Variants in ZNF518A observed in about 807,000 individuals in gnomAD.
The protein encoded by ZNF518A is zinc finger protein 518.
In ZNF518A, 47 loss-of-function variants were observed where a neutral mutation model predicts 102.7. The ratio of observed to expected loss-of-function variants is 0.46; its 90% CI spans 0.36 to 0.58. The LOEUF is 0.58. Among genes scored for constraint, ZNF518A ranks in the 20% least tolerant of loss-of-function variants. ZNF518A has a pLI of 0.00. For synonymous variants in ZNF518A, 652 were observed against 594.6 expected (o/e 1.10, Z -1.40); for missense variants, 1,793 against 1,699.8 (o/e 1.05, Z -0.96).
chr10:96,163,174 TTAAAG>T lies in ZNF518A; in HGVS notation c.*2404_*2408del, dbSNP rs2083065055. On this transcript the variant is annotated 3_prime_UTR_variant, in exon 6 of 6. Coordinates refer to ENST00000316045, the MANE Select transcript of ZNF518A (RefSeq NM_001330736.2). ...CTTGCCTTTAAGTTTTAACAGCCATTTAAAGTAAGCTTTGTGCTCCAGATATTCTA... is the reference window on the plus strand; with the variant it reads ...CTTGCCTTTAAGTTTTAACAGCCATTTAAGCTTTGTGCTCCAGATATTCTA... 1 of 167,038 alleles carries T rather than the reference TTAAAG, an allele frequency of 6.0e-6. No homozygotes were observed. Among genetic ancestry groups the T allele is most frequent in the South Asian group, 2.1e-4 (1 of 4,836 alleles). The allele number at this position is 167,038 out of a possible 1,614,324, so 10.3% of individuals were successfully genotyped here.
chr10:96,180,921 C>G (rs1481574043), intron 1 of ZNF518A, among the ~76,000 whole-genome samples: 1 of 152,212 alleles, frequency 6.6e-6, no homozygotes, highest in Non-Finnish European at 1.5e-5. Context: ...AATTGCCACA[C>G]TGTCTTCCAC....
At chr10:96,182,067 G>C (rs1425134004) in intron 1 of ZNF518A, among the ~76,000 whole-genome samples, 2 of 152,092 alleles carry the variant, frequency 1.3e-5, no homozygotes, top group Non-Finnish European at 2.9e-5. Context: ...CTTGTAAGTT[G>C]GATTCCTAGG....
Position 96,130,314 on chromosome 10 carries a change from T to A in ZNF518A, c.-891T>A, listed in dbSNP as rs1404395017. 1.3e-5 allele frequency among the ~76,000 whole-genome samples: 2 copies of A among 152,224 alleles called. No homozygotes were observed. The highest frequency in any genetic ancestry group is 4.8e-5 in the African/African-American group (2 of 41,458). ...TTCCGCTTAACTTGCCGCAAAGTTT[T>A]TCTGGAGAAGTCGGGGTTTTTTTGC... On this transcript the variant is annotated 5_prime_UTR_variant, in exon 1 of 6. Transcript: ENST00000316045.
rs587678142 is a variant in ZNF518A, at chr10:96,144,087, G to A, written c.-302+10439G>A. 3.3e-5 allele frequency among the ~76,000 whole-genome samples: 5 copies of A among 152,238 alleles called. No homozygotes were observed. The South Asian group carries it at 8.3e-4, about 25-fold the overall frequency. ...TGCAGCCTTGACCTCCCAAGCTCAA[G>A]CAATGCTTCCATCTCAGCCTCCCGA... On this transcript the variant is annotated intron_variant, in intron 3 of 5. Transcript: ENST00000316045.
intron 1 of ZNF518A, among the ~76,000 whole-genome samples, chr10:96,198,601 T>C (rs1591295258): frequency 6.6e-6 from 1 of 152,342 alleles, no homozygotes; most frequent in East Asian, 1.9e-4. Flanking sequence ...CAACACAATC[T>C]AGTGGAGCAA....
At chr10:96,171,634 T>C (rs1275766973) in intron 1 of ZNF518A, among the ~76,000 whole-genome samples, 1 of 152,166 alleles carries the variant, frequency 6.6e-6, no homozygotes, top group Non-Finnish European at 1.5e-5. Flanking sequence ...ACCATTGAAG[T>C]GTACATTTTA....
chr10:96,192,706 C>T (rs1275298944), intron 1 of ZNF518A, among the ~76,000 whole-genome samples: 2 of 152,010 alleles, frequency 1.3e-5, no homozygotes, highest in African/African-American at 4.8e-5. Context: ...AATTTTGATC[C>T]TTGTTGTCTA....
intron 1 of ZNF518A, among the ~76,000 whole-genome samples, chr10:96,172,604 A>G (rs1422068660): frequency 6.6e-5 from 10 of 152,100 alleles, no homozygotes; most frequent in African/African-American, 2.4e-4. Context: ...TTTCACTGGA[A>G]TTAAGTTTGT....
intron 3 of ZNF518A, among the ~76,000 whole-genome samples, chr10:96,143,156 A>G (rs2082020331): frequency 6.6e-6 from 1 of 151,260 alleles, no homozygotes; most frequent in African/African-American, 2.4e-5. Flanking sequence ...TTGGCTCCTC[A>G]CTTTTTATTT....
Position 96,159,770 on chromosome 10 carries a change from C to T in ZNF518A, c.3448C>T (p.Pro1150Ser). Residue 1150 changes from proline (P) to serine (S), a missense_variant, in exon 6 of 6, where the codon CCT becomes TCT. Around this residue, in one of 3 missense-constraint regions of ZNF518A, gnomAD observed 1,741 missense variants for 1,622.6 expected, o/e 1.07. Coordinates refer to ENST00000316045, the MANE Select transcript of ZNF518A (RefSeq NM_001330736.2). ...PQRILLKIFN[P>S]VLNVTAANNL... The stretch of plus-strand genomic sequence containing the variant: ...AAGAATATTGCTGAAAATTTTTAAC[C>T]CTGTTTTAAATGTGACTGCTGCTAA... The T allele has an allele frequency of 6.2e-7, 1 of 1,613,424 alleles. No homozygotes were observed. Among genetic ancestry groups the T allele is most frequent in the Non-Finnish European group, 8.5e-7 (1 of 1,179,730 alleles).
At chr10:96,134,529 C>T (rs782573732) in intron 3 of ZNF518A, among the ~76,000 whole-genome samples, 6 of 152,166 alleles carry the variant, frequency 3.9e-5, no homozygotes, top group South Asian at 2.1e-4. Flanking sequence ...CCACTGCTCC[C>T]GGCCTACTTC....
intron 2 of ZNF518A, chr10:96,203,819 T>TA (rs2083721250): frequency 2.6e-6 from 1 of 381,924 alleles, no homozygotes; most frequent in South Asian, 5.8e-5. Context: ...GCATGATCAG[T>TA]AAAATATTAA....
intron 1 of ZNF518A, among the ~76,000 whole-genome samples, chr10:96,178,071 G>A (rs1443826606): frequency 6.6e-6 from 1 of 151,986 alleles, no homozygotes; most frequent in African/African-American, 2.4e-5. Context: ...GAACAACTAG[G>A]CAAAAAGAAA....
At chr10:96,190,632 C>T (rs1348595542) in intron 1 of ZNF518A, among the ~76,000 whole-genome samples, 2 of 152,112 alleles carry the variant, frequency 1.3e-5, no homozygotes, top group Non-Finnish European at 2.9e-5. Context: ...GAAATTATTA[C>T]CTTCTGGCCT....
rs12354644 is a variant in ZNF518A at position 96,163,610 on chromosome 10, A to C, written c.*2836A>C. The C allele has an allele frequency of 0.38, 62,694 of 166,754 alleles. 13,213 individuals carry two copies. Among genetic ancestry groups the C allele is most frequent in the Middle Eastern group, 0.55 (163 of 294 alleles). The allele number at this position is 166,754 out of a possible 1,614,324, so 10.3% of individuals were successfully genotyped here. A position where few individuals can be genotyped will look rare whatever the true frequency, so the allele number is the denominator to read the frequency against. On this transcript the variant is annotated 3_prime_UTR_variant, in exon 6 of 6. Transcript: ENST00000316045. ...AAAATATTTTCATTGGGGGGTTAGCAAATTTTTTCAATAAAGGGTCAGATA... is the reference window on the plus strand; with the variant it reads ...AAAATATTTTCATTGGGGGGTTAGCCAATTTTTTCAATAAAGGGTCAGATA...
chr10:96,159,449 A>G lies in ZNF518A; in HGVS notation c.3127A>G (p.Asn1043Asp), dbSNP rs587652512. The G allele has an allele frequency of 1.3e-4, 209 of 1,613,824 alleles. 2 individuals carry two copies. In the South Asian group the frequency reaches 1.9e-3, roughly 15 times the overall value. Reference protein sequence around the residue: ...SCLSMKSSSENTLPLKGPYIL... With the variant: ...SCLSMKSSSEDTLPLKGPYIL... ...TTTGAGCATGAAAAGTAGCTCAGAA[A>G]ATACTTTGCCATTAAAAGGCCCTTA... The change falls in exon 6 of 6, where the codon AAT becomes GAT. Residue 1043 changes from asparagine to aspartate, a missense_variant. By Grantham distance (23) the Asn-to-Asp change is conservative (BLOSUM62 1). Around this residue, in one of 3 missense-constraint regions of ZNF518A, gnomAD observed 1,741 missense variants for 1,622.6 expected, o/e 1.07. Coordinates refer to ENST00000316045, the MANE Select transcript of ZNF518A (RefSeq NM_001330736.2).
chr10:96,148,221 C>T (rs1591175420), intron 3 of ZNF518A, among the ~76,000 whole-genome samples: 1 of 152,150 alleles, frequency 6.6e-6, no homozygotes, highest in African/African-American at 2.4e-5. Flanking sequence ...GGGTGGATCA[C>T]CTGAGGTTGG....
chr10:96,165,466 CA>C (rs1564798110), downstream of ZNF518A, among the ~76,000 whole-genome samples: 46 of 50,456 alleles, frequency 9.1e-4, no homozygotes, highest in Admixed American at 2.4e-3. Context: ...AAAACAACAA[CA>C]ACCAAAAAAA....
At chr10:96,145,478 A>G (rs1360370961) in intron 3 of ZNF518A, among the ~76,000 whole-genome samples, 1 of 152,272 alleles carries the variant, frequency 6.6e-6, no homozygotes, top group Admixed American at 6.5e-5. Flanking sequence ...ATTGTTAAAT[A>G]AACCGACTAA....
Sources: gnomAD v4.1 joint callset for allele counts (sites outside exome capture counted in the v4.1 genomes callset) on GRCh38, gnomAD v4.1.1 for gene constraint, gnomAD v4.1.1 regional missense constraint, MANE v1.5 for transcripts, NCBI Gene and HGNC (gene_info 2026-07-23, HGNC 2026-07-21) for gene names.